Variants in COG5 observed in about 807,000 individuals in gnomAD.
COG5 encodes the protein conserved oligomeric Golgi complex subunit 5.
Under a neutral mutation model 110.4 loss-of-function variants are expected in COG5, and 86 were observed. That is an observed-to-expected ratio of 0.78 (90% CI 0.65 to 0.93). COG5 has a LOEUF of 0.93. Ranked by LOEUF, COG5 falls within the 40% of genes least tolerant of loss-of-function variation. The pLI is 0.00. For missense variants in COG5, 1,077 were observed against 987.0 expected, an observed-to-expected ratio of 1.09 and a Z score of -1.22; for synonymous variants, 360 against 334.6, an observed-to-expected ratio of 1.08 and a Z score of -0.83.
intron 6 of COG5, among the ~76,000 whole-genome samples, chr7:107,453,350 T>G (rs536430398): frequency 6.6e-6 from 1 of 152,300 alleles, no homozygotes; most frequent in South Asian, 2.1e-4. Flanking sequence ...ATGGTATTAA[T>G]AATGAGAATC....
intron 6 of COG5, among the ~76,000 whole-genome samples, chr7:107,415,139 T>C (rs1176696793): frequency 1.3e-5 from 2 of 152,152 alleles, no homozygotes; most frequent in African/African-American, 4.8e-5. Flanking sequence ...CACCACAATG[T>C]TAGCACTAAA....
In COG5 at chr7:107,554,407, T is replaced by C; in HGVS notation, c.235-65A>G. The C allele has an allele frequency of 2.2e-6, 3 of 1,339,116 alleles. No individual in the cohort carries two copies. In the South Asian group the frequency reaches 3.6e-5, roughly 16 times the overall value. 83.0% of individuals were successfully genotyped at this position (1,339,116 alleles called of 1,614,324 possible). A position where few individuals can be genotyped will look rare whatever the true frequency, so the allele number is the denominator to read the frequency against. On this transcript the variant is annotated intron_variant, in intron 2 of 21. Coordinates refer to ENST00000297135, the MANE Select transcript of COG5 (RefSeq NM_006348.5). Reference sequence around the variant, plus strand: ...GGTATTCTTCCTTGTAACCACAATGTAGAATGGACAGTCTCTCTTGGTGTA... The same window carrying C: ...GGTATTCTTCCTTGTAACCACAATGCAGAATGGACAGTCTCTCTTGGTGTA...
Position 107,258,321 on chromosome 7 carries a change from A to G in COG5, c.1638T>C (p.Asn546=). 1 of 1,613,340 alleles carries G rather than the reference A, an allele frequency of 6.2e-7. No individual in the cohort carries two copies. The highest frequency in any genetic ancestry group is 8.5e-7 in the Non-Finnish European group (1 of 1,179,438). ...TATACAATGAATTCACTACTGCCAC[A>G]TTTCTTCTCTGTCCTTCAGTAAGAG... ...IGPLTEGQRR[N]VAVVNSLYKL... is the part of the protein sequence containing the mutation. Residue 546 remains asparagine (N), a synonymous_variant, in exon 15 of 22, where the codon AAT becomes AAC. Coordinates refer to ENST00000297135, the MANE Select transcript of COG5 (RefSeq NM_006348.5).
intron 6 of COG5, among the ~76,000 whole-genome samples, chr7:107,509,009 C>A (rs181369361): frequency 1.3e-5 from 2 of 152,164 alleles, no homozygotes; most frequent in Non-Finnish European, 2.9e-5. Context: ...TCCAAAGGAA[C>A]GCAGCTCCTC....
rs1368212985 is a variant in COG5 at position 107,298,151 on chromosome 7, G to A, written c.1304C>T (p.Pro435Leu). Residue 435 changes from proline (P) to leucine (L), a missense_variant, in exon 12 of 22, where the codon CCA becomes CTA. By Grantham distance (98) the Pro-to-Leu change is moderately conservative. Transcript: ENST00000297135. The part of the protein sequence containing the change: ...DAQDIFIPKK[P>L]DYDPEKALKD... ...AATTAAACAAACATACTCATAATCT[G>A]GCTTTTTTGGTATGAATATATCTTG... is the stretch of plus-strand genomic sequence containing the variant. 1 of 1,566,466 alleles carries A rather than the reference G, an allele frequency of 6.4e-7. No homozygotes were observed. Among genetic ancestry groups the A allele is most frequent in the South Asian group, 1.2e-5 (1 of 80,746 alleles).
intron 10 of COG5, among the ~76,000 whole-genome samples, chr7:107,349,470 C>G (rs1206859972): frequency 6.6e-6 from 1 of 152,064 alleles, no homozygotes; most frequent in African/African-American, 2.4e-5. Flanking sequence ...GCGATCTCTG[C>G]TCACTGCAAC....
intron 6 of COG5, among the ~76,000 whole-genome samples, chr7:107,445,163 T>C (rs1278183762): frequency 6.6e-6 from 1 of 152,060 alleles, no homozygotes; most frequent in Non-Finnish European, 1.5e-5. Flanking sequence ...ATTAGGCCAC[T>C]GCACTCCAGC....
chr7:107,216,825 A>T (rs1286225843), intron 19 of COG5, among the ~76,000 whole-genome samples: 1 of 152,184 alleles, frequency 6.6e-6, no homozygotes, highest in Non-Finnish European at 1.5e-5. Flanking sequence ...CCTACTCAAG[A>T]AACTACAAGA....
At chr7:107,288,909 T>A (rs186991476) in intron 12 of COG5, among the ~76,000 whole-genome samples, 1 of 2,984 alleles carries the variant, frequency 3.4e-4, no homozygotes, top group African/African-American at 7.8e-4. Context: ...CTAACAGAGA[T>A]ATATATATAT....
intron 6 of COG5, among the ~76,000 whole-genome samples, chr7:107,512,129 T>C (rs1471494051): frequency 6.6e-6 from 1 of 152,208 alleles, no homozygotes; most frequent in Non-Finnish European, 1.5e-5. Flanking sequence ...GATGACATGA[T>C]TGTATATCTA....
Position 107,396,532 on chromosome 7 carries a change from G to A in COG5, c.669+15970C>T, listed in dbSNP as rs116965750. ...TTATATAGAAAGGCCAGGGGGGTGA[G>A]GAGTGGGGGGTGGGAAATGAGAGAA... On this transcript the variant is annotated intron_variant, in intron 7 of 21. Coordinates refer to ENST00000297135, the MANE Select transcript of COG5 (RefSeq NM_006348.5). Among the ~76,000 whole-genome samples, 55 of 117,258 alleles carry A rather than the reference G, an allele frequency of 4.7e-4. No individual in the cohort carries two copies. In the East Asian group the frequency reaches 0.016, roughly 34 times the overall value. The allele number at this position is 117,258 out of a possible 152,430, so 76.9% of individuals were successfully genotyped here.
intron 7 of COG5, among the ~76,000 whole-genome samples, chr7:107,407,252 C>T (rs868427603): frequency 5.9e-5 from 9 of 152,018 alleles, no homozygotes; most frequent in African/African-American, 1.7e-4. Flanking sequence ...TGTGGTGGCA[C>T]GTGCCTGTAA....
Position 107,389,364 on chromosome 7 carries a change from A to G in COG5, c.670-16604T>C, listed in dbSNP as rs114957732. Among the ~76,000 whole-genome samples the G allele has an allele frequency of 5.3e-3, 805 of 152,266 alleles. 9 individuals are homozygous for G. Among genetic ancestry groups the G allele is most frequent in the African/African-American group, 0.019 (779 of 41,530 alleles). On this transcript the variant is annotated intron_variant, in intron 7 of 21. Coordinates refer to ENST00000297135, the MANE Select transcript of COG5 (RefSeq NM_006348.5). ...ACTAAGGTGCCAGATAACACTACATATAACTCCACTATTCTCCCACTGTAT... is the reference window on the plus strand; with the variant it reads ...ACTAAGGTGCCAGATAACACTACATGTAACTCCACTATTCTCCCACTGTAT...
Position 107,371,278 on chromosome 7 carries a change from C to A in COG5, c.835+1317G>T, listed in dbSNP as rs548317607. On this transcript the variant is annotated intron_variant, in intron 8 of 21. Coordinates refer to ENST00000297135, the MANE Select transcript of COG5 (RefSeq NM_006348.5). The stretch of plus-strand genomic sequence containing the variant: ...ATATATATTCAGTATTACGTAAGGT[C>A]ACATTTATATAGCAAATATAAAAAT... 2.0e-5 allele frequency among the ~76,000 whole-genome samples: 3 copies of A among 152,168 alleles called. No individual in the cohort carries two copies. In the East Asian group the frequency reaches 5.8e-4, roughly 29 times the overall value.
chr7:107,281,340 G>C lies in COG5; in HGVS notation c.1535C>G (p.Ala512Gly), dbSNP rs1037950511. 1.2e-6 allele frequency: 2 copies of C among 1,613,302 alleles called. No individual in the cohort carries two copies. Among genetic ancestry groups the C allele is most frequent in the African/African-American group, 1.3e-5 (1 of 74,888 alleles). The change falls in exon 14 of 22, where the codon GCA becomes GGA. Residue 512 changes from alanine (A) to glycine (G), a missense_variant. Transcript: ENST00000297135. ...NLTLAVSKNV[A>G]KTIQLYSVKS... ...TACACTGTATAACTGGATGGTCTTTGCCACATTTTTTGACACAGCTAATGT... is the reference window on the plus strand; with the variant it reads ...TACACTGTATAACTGGATGGTCTTTCCCACATTTTTTGACACAGCTAATGT...
chr7:107,484,606 C>T (rs567136507), intron 6 of COG5, among the ~76,000 whole-genome samples: 1 of 152,326 alleles, frequency 6.6e-6, no homozygotes, highest in Admixed American at 6.5e-5. Flanking sequence ...CAACTATATA[C>T]ACTTAATGAT....
At chr7:107,278,696 C>T (rs1037463042) in intron 14 of COG5, among the ~76,000 whole-genome samples, 23 of 152,230 alleles carry the variant, frequency 1.5e-4, no homozygotes, top group African/African-American at 5.3e-4. Context: ...AAAGGATTCC[C>T]TATATAATAA....
chr7:107,340,868 G>C (rs1354863961), intron 10 of COG5, among the ~76,000 whole-genome samples: 2 of 152,002 alleles, frequency 1.3e-5, no homozygotes, highest in Non-Finnish European at 2.9e-5. Context: ...GGGTATCAAA[G>C]GAACATACCT....
chr7:107,526,170 T>C (rs1272381241), intron 6 of COG5, among the ~76,000 whole-genome samples: 2 of 152,198 alleles, frequency 1.3e-5, no homozygotes, highest in East Asian at 1.9e-4. Flanking sequence ...CAAAGCACAA[T>C]AGCAAGAGTA....
Sources: gnomAD v4.1 joint callset for allele counts (sites outside exome capture counted in the v4.1 genomes callset) on GRCh38, gnomAD v4.1.1 for gene constraint, MANE v1.5 for transcripts, NCBI Gene and HGNC (gene_info 2026-07-23, HGNC 2026-07-21) for gene names.